Variants in CYP2C19 observed in about 807,000 individuals in gnomAD.
CYP2C19 encodes cytochrome P450 family 2 subfamily C member 19, also known as cytochrome P450 2C19.
CYP2C19 carries 59 observed loss-of-function variants against 40.9 expected under a neutral mutation model. That is an observed-to-expected ratio of 1.44 (90% CI 1.17 to 1.79). CYP2C19 has a LOEUF of 1.79. Ranked by LOEUF, CYP2C19 falls within the 40% of genes most tolerant of loss-of-function variation. The probability of loss-of-function intolerance (pLI) is 0.00; values close to 1 mark genes in which losing one functional copy is unlikely to be tolerated. For synonymous variants in CYP2C19, 253 were observed against 208.7 expected, an observed-to-expected ratio of 1.21 and a Z score of -1.83; for missense variants, 754 against 596.9, an observed-to-expected ratio of 1.26 and a Z score of -2.74.
At chr10:94,818,449 A>G (rs1487121919) in intron 5 of CYP2C19, among the ~76,000 whole-genome samples, 8 of 151,848 alleles carry the variant, frequency 5.3e-5, no homozygotes, top group South Asian at 2.1e-4. Flanking sequence ...AGCTTGATGG[A>G]GATGGCATTG....
chr10:94,841,190 C>T lies in CYP2C19; in HGVS notation c.962-1647C>T, dbSNP rs150799891. On this transcript the variant is annotated intron_variant, in intron 6 of 8. Coordinates refer to ENST00000371321, the MANE Select transcript of CYP2C19 (RefSeq NM_000769.4). ...GTGAGTGTTATAGCTCTACTAAAAG[C>T]TGTGGGTCATGGAAGAGAACCGTGG... 1.6e-3 allele frequency among the ~76,000 whole-genome samples: 251 copies of T among 152,276 alleles called. 2 individuals are homozygous for T. Among genetic ancestry groups the T allele is most frequent in the Admixed American group, 3.1e-3 (47 of 15,302 alleles).
rs1040694682 is a variant in CYP2C19 at position 94,806,583 on chromosome 10, CTTTA to C, written c.820-13906_820-13903del. ...TGTTGTTTTCTTTTGTTTTCTTAGCCTTTATTTATTAGATTTACTTATTATTTAT... is the reference window on the plus strand; with the variant it reads ...TGTTGTTTTCTTTTGTTTTCTTAGCCTTTATTAGATTTACTTATTATTTAT... On this transcript the variant is annotated intron_variant, in intron 5 of 8. Transcript: ENST00000371321. 1.9e-4 allele frequency among the ~76,000 whole-genome samples: 29 copies of C among 149,528 alleles called. No individual in the cohort carries two copies. The South Asian group carries it at 4.6e-3, about 24-fold the overall frequency.
At chr10:94,817,824 T>A (rs1421044945) in intron 5 of CYP2C19, among the ~76,000 whole-genome samples, 1 of 151,816 alleles carries the variant, frequency 6.6e-6, no homozygotes, top group Non-Finnish European at 1.5e-5. Context: ...CCATCCTGGC[T>A]AAAACGGTGA....
chr10:94,804,533 T>A (rs1418630541), intron 5 of CYP2C19, among the ~76,000 whole-genome samples: 1 of 152,236 alleles, frequency 6.6e-6, no homozygotes, highest in Admixed American at 6.5e-5. Flanking sequence ...TCCTGGTGTC[T>A]TTCCCTCTCA....
chr10:94,853,568 C>A lies in CYP2C19; in HGVS notation c.*654C>A, dbSNP rs1249251177. Among the ~76,000 whole-genome samples the A allele has an allele frequency of 1.7e-5, 2 of 120,608 alleles. No individual in the cohort carries two copies. The highest frequency in any genetic ancestry group is 3.4e-5 in the Non-Finnish European group (2 of 58,518). 79.1% of individuals were successfully genotyped at this position (120,608 alleles called of 152,430 possible). On this transcript the variant is annotated 3_prime_UTR_variant, in exon 9 of 9. Transcript: ENST00000371321. The stretch of plus-strand genomic sequence containing the variant: ...GTTCCTTTTTTTTTTTTTTTTGAGA[C>A]AATGTCTCACTCTGTCTCCCAGGCT...
In CYP2C19 at chr10:94,762,787, A is replaced by C. The variant is rs762085479; in HGVS notation, c.82A>C (p.Lys28Gln). The C allele has an allele frequency of 1.9e-6, 3 of 1,613,362 alleles. No individual in the cohort carries two copies. The highest frequency in any genetic ancestry group is 2.5e-6 in the Non-Finnish European group (3 of 1,179,496). The part of the protein sequence containing the change: ...SIWRQSSGRG[K>Q]LPPGPTPLPV... ...CTGGAGACAGAGCTCTGGGAGAGGA[A>C]AACTCCCTCCTGGCCCCACTCCTCT... is the stretch of plus-strand genomic sequence containing the variant. Residue 28 changes from lysine (K) to glutamine (Q), a missense_variant, in exon 1 of 9, where the codon AAA becomes CAA. By Grantham distance (53) the Lys-to-Gln change is moderately conservative (BLOSUM62 1). Transcript: ENST00000371321.
At position 94,852,795 on chromosome 10, in the gene CYP2C19, A is replaced by G; in HGVS notation, c.1354A>G (p.Ile452Val). 6.2e-7 allele frequency: 1 copy of G among 1,614,002 alleles called. No homozygotes were observed. Among genetic ancestry groups the G allele is most frequent in the Non-Finnish European group, 8.5e-7 (1 of 1,179,962 alleles). The change falls in exon 9 of 9, where the codon ATT (isoleucine) becomes GTT (valine). Residue 452 changes from isoleucine to valine, a missense_variant. By Grantham distance (29) the Ile-to-Val change is conservative (BLOSUM62 3). Coordinates refer to ENST00000371321, the MANE Select transcript of CYP2C19 (RefSeq NM_000769.4). ...GGAGCTGTTTTTATTCCTGACCTTC[A>G]TTTTACAGAACTTTAACCTGAAATC... ...RMELFLFLTF[I>V]LQNFNLKSLI...
chr10:94,764,757 C>T (rs1021325046), intron 1 of CYP2C19, among the ~76,000 whole-genome samples: 2 of 152,004 alleles, frequency 1.3e-5, no homozygotes, highest in African/African-American at 2.4e-5. Context: ...AGCTTGATGG[C>T]GTTGATCCTA....
At chr10:94,775,726 T>A in intron 3 of CYP2C19, 187 bp downstream of exon 3, 1 of 878,944 alleles carries the variant, frequency 1.1e-6, no homozygotes, top group Non-Finnish European at 1.8e-6. Context: ...TGTACAGGCA[T>A]GATTGTGCAT....
chr10:94,838,404 T>C (rs1413450869), intron 6 of CYP2C19, among the ~76,000 whole-genome samples: 10 of 152,180 alleles, frequency 6.6e-5, no homozygotes, highest in Admixed American at 6.5e-4. Flanking sequence ...ATTGCATCTC[T>C]CCATGTCAGA....
At chr10:94,844,467 G>A (rs1056710802) in intron 7 of CYP2C19, among the ~76,000 whole-genome samples, 2 of 152,104 alleles carry the variant, frequency 1.3e-5, no homozygotes, top group African/African-American at 4.8e-5. Flanking sequence ...CTTTACAATT[G>A]CCTTCTATCA....
intron 6 of CYP2C19, among the ~76,000 whole-genome samples, chr10:94,831,399 G>C (rs754130355): frequency 6.6e-6 from 1 of 152,192 alleles, no homozygotes; most frequent in Admixed American, 6.5e-5. Flanking sequence ...ATACCCAGTA[G>C]TAGGGTTGTT....
chr10:94,834,969 A>G (rs1849380335), intron 6 of CYP2C19, among the ~76,000 whole-genome samples: 1 of 152,092 alleles, frequency 6.6e-6, no homozygotes, highest in African/African-American at 2.4e-5. Flanking sequence ...TTCCTGCTGA[A>G]TTGGGGTGTA....
intron 5 of CYP2C19, among the ~76,000 whole-genome samples, chr10:94,806,899 A>T (rs1173768413): frequency 1.3e-5 from 2 of 152,012 alleles, no homozygotes; most frequent in Non-Finnish European, 2.9e-5. Flanking sequence ...TGTGCTTGAA[A>T]CATTAAAAAT....
chr10:94,840,547 A>G (rs1320229223), intron 6 of CYP2C19, among the ~76,000 whole-genome samples: 1 of 152,136 alleles, frequency 6.6e-6, no homozygotes, highest in Non-Finnish European at 1.5e-5. Context: ...CAGGGATCAG[A>G]GGAAGTAGAT....
intron 6 of CYP2C19, among the ~76,000 whole-genome samples, chr10:94,837,611 T>A (rs978383256): frequency 2.6e-5 from 4 of 152,164 alleles, no homozygotes; most frequent in African/African-American, 9.7e-5. Flanking sequence ...GAGAAGTATC[T>A]AGTGACTGGC....
intron 5 of CYP2C19, among the ~76,000 whole-genome samples, chr10:94,808,112 T>A (rs995777104): frequency 1.3e-5 from 2 of 152,148 alleles, no homozygotes; most frequent in Non-Finnish European, 2.9e-5. Context: ...TGTTGCTATT[T>A]AATGAAAAGA....
chr10:94,802,984 G>C (rs1848787118), intron 5 of CYP2C19, among the ~76,000 whole-genome samples: 2 of 151,928 alleles, frequency 1.3e-5, no homozygotes, highest in African/African-American at 4.8e-5. Flanking sequence ...TTCCTTTGTG[G>C]GTAACCCAAC....
chr10:94,789,766 G>T (rs534716698), intron 5 of CYP2C19, among the ~76,000 whole-genome samples: 1 of 152,124 alleles, frequency 6.6e-6, no homozygotes, highest in Non-Finnish European at 1.5e-5. Context: ...ATAGTTTGAA[G>T]TCAGGTAGCA....
Sources: gnomAD v4.1 joint callset for allele counts (sites outside exome capture counted in the v4.1 genomes callset) on GRCh38, gnomAD v4.1.1 for gene constraint, MANE v1.5 for transcripts, NCBI Gene and HGNC (gene_info 2026-07-23, HGNC 2026-07-21) for gene names.